Variants in SPTBN1 observed in about 807,000 individuals in gnomAD.
SPTBN1 encodes the protein spectrin beta chain, non-erythrocytic 1.
In SPTBN1, 32 loss-of-function variants were observed where a neutral mutation model predicts 266.4. The ratio of observed to expected loss-of-function variants is 0.12; its 90% CI spans 0.09 to 0.16. SPTBN1 has a LOEUF of 0.16. SPTBN1 is among the 10% of genes least tolerant of loss of function. The probability of loss-of-function intolerance (pLI) is 1.00; values close to 1 mark genes in which losing one functional copy is unlikely to be tolerated. For missense variants in SPTBN1, 2,296 were observed against 3,067.1 expected, an observed-to-expected ratio of 0.75 and a Z score of 5.94; for synonymous variants, 1,336 against 1,162.2, an observed-to-expected ratio of 1.15 and a Z score of -3.04.
At chr2:54,556,515 T>A (rs1243342486) in intron 2 of SPTBN1, among the ~76,000 whole-genome samples, 1 of 152,224 alleles carries the variant, frequency 6.6e-6, no homozygotes, top group East Asian at 1.9e-4. Context: ...TAAAACGTTA[T>A]AAGTTGGCAA....
At chr2:54,470,172 T>G (rs571755927) in intron 1 of SPTBN1, among the ~76,000 whole-genome samples, 1 of 152,382 alleles carries the variant, frequency 6.6e-6, no homozygotes, top group East Asian at 1.9e-4. Context: ...GGTAAAAGTT[T>G]AATTAGAGAG....
intron 2 of SPTBN1, among the ~76,000 whole-genome samples, chr2:54,562,406 T>C (rs12713263): frequency 0.32 from 48,506 of 152,062 alleles, 11,458 homozygotes; most frequent in African/African-American, 0.67. Context: ...TCCATTCAAA[T>C]CTGGTAGGCA....
At chr2:54,487,170 C>CTTTTTTTT (rs34779689) in intron 1 of SPTBN1, among the ~76,000 whole-genome samples, 3 of 98,586 alleles carry the variant, frequency 3.0e-5, no homozygotes, top group Non-Finnish European at 3.9e-5. Flanking sequence ...ATTAGGATTT[C>CTTTTTTTT]TTTTTTTTTT....
At chr2:54,620,897 A>G (rs1572695617) in intron 7 of SPTBN1, among the ~76,000 whole-genome samples, 1 of 152,194 alleles carries the variant, frequency 6.6e-6, no homozygotes, top group African/African-American at 2.4e-5. Flanking sequence ...GTCTGGGTGC[A>G]CTATGTGAAG....
intron 9 of SPTBN1, among the ~76,000 whole-genome samples, chr2:54,623,198 TA>T (rs1047872236): frequency 3.9e-5 from 6 of 152,218 alleles, no homozygotes; most frequent in African/African-American, 1.4e-4. Flanking sequence ...ATGAATGAAG[TA>T]AGTCCATTGT....
intron 33 of SPTBN1, among the ~76,000 whole-genome samples, chr2:54,665,437 C>G (rs1027997222): frequency 3.3e-5 from 5 of 152,106 alleles, no homozygotes; most frequent in African/African-American, 1.2e-4. Context: ...TCTAATTCAC[C>G]CAAAGGTACT....
intron 1 of SPTBN1, among the ~76,000 whole-genome samples, chr2:54,484,798 G>A (rs562747416): frequency 6.6e-5 from 10 of 152,296 alleles, no homozygotes; most frequent in Non-Finnish European, 8.8e-5. Flanking sequence ...CCAGAAAGGC[G>A]CAATGTGGCT....
intron 2 of SPTBN1, among the ~76,000 whole-genome samples, chr2:54,537,159 G>A (rs1448911303): frequency 3.9e-5 from 6 of 152,286 alleles, no homozygotes; most frequent in East Asian, 1.9e-4. Context: ...TGGGCCATGC[G>A]CCTCATTCAT....
chr2:54,665,916 T>G lies in SPTBN1; in HGVS notation c.6661T>G (p.Ser2221Ala). 6.2e-7 allele frequency: 1 copy of G among 1,613,342 alleles called. No individual in the cohort carries two copies. Among genetic ancestry groups the G allele is most frequent in the Non-Finnish European group, 8.5e-7 (1 of 1,179,746 alleles). ...TGCCCTTTTTTTTAAACTGCACAGG[T>G]CCTGGCACAATGTTTATTGTGTCAT... ...EAHNKKASSR[S>A]WHNVYCVINN... The change falls in exon 34 of 36, where the codon TCC becomes GCC. Residue 2221 changes from serine (S) to alanine (A), a missense_variant and splice_region_variant. This residue lies in a region of SPTBN1 where 347 missense variants were observed against 368.5 expected (regional missense o/e 0.94). Transcript: ENST00000356805.
intron 1 of SPTBN1, 50 bp from the exon 2 acceptor site, chr2:54,526,322 G>A: frequency 6.8e-7 from 1 of 1,473,650 alleles, no homozygotes; most frequent in Non-Finnish European, 9.2e-7. Flanking sequence ...GTTCCGTGGG[G>A]ACTGTATACA....
intron 5 of SPTBN1, 53 bp from the exon 6 acceptor site, chr2:54,617,555 A>T: frequency 3.2e-6 from 5 of 1,575,236 alleles, no homozygotes; most frequent in Non-Finnish European, 4.4e-6. Flanking sequence ...GCAAAAGTAT[A>T]AACCTCCATG....
At chr2:54,496,197 G>A (rs936595659) in intron 1 of SPTBN1, among the ~76,000 whole-genome samples, 2 of 152,090 alleles carry the variant, frequency 1.3e-5, no homozygotes, top group African/African-American at 4.8e-5. Flanking sequence ...AGAACTTTGG[G>A]AGGCTGAGGC....
chr2:54,597,431 C>G (rs1676162046), intron 2 of SPTBN1, among the ~76,000 whole-genome samples: 2 of 152,232 alleles, frequency 1.3e-5, no homozygotes, highest in Admixed American at 1.3e-4. Context: ...CTGTCTTTTT[C>G]TGCTTCCTCT....
At chr2:54,484,882 A>G (rs905340232) in intron 1 of SPTBN1, among the ~76,000 whole-genome samples, 2 of 152,192 alleles carry the variant, frequency 1.3e-5, no homozygotes, top group Non-Finnish European at 2.9e-5. Context: ...TCAGACCAAG[A>G]AAATTAATGC....
chr2:54,635,094 C>T (rs1005257022), intron 17 of SPTBN1, among the ~76,000 whole-genome samples: 3 of 152,160 alleles, frequency 2.0e-5, no homozygotes, highest in African/African-American at 4.8e-5. Context: ...CCAGAACACC[C>T]GCATCTGCTT....
chr2:54,531,608 G>GTTTT (rs71408766), intron 2 of SPTBN1, among the ~76,000 whole-genome samples: 1 of 142,316 alleles, frequency 7.0e-6, no homozygotes. Context: ...TTTGTTTTTT[G>GTTTT]TTTTTTTTTT....
intron 2 of SPTBN1, among the ~76,000 whole-genome samples, chr2:54,586,042 G>GA (rs773567118): frequency 1.1e-4 from 16 of 152,186 alleles, no homozygotes; most frequent in Non-Finnish European, 2.2e-4. Context: ...TTTAGTTTCA[G>GA]AATTTTCTAA....
Position 54,653,530 on chromosome 2 carries a change from C to T in SPTBN1, c.5578-79C>T, listed in dbSNP as rs866380339. 8.3e-6 allele frequency: 13 copies of T among 1,557,782 alleles called. No individual in the cohort carries two copies. In the Middle Eastern group the frequency reaches 6.0e-4, roughly 72 times the overall value. On this transcript the variant is annotated intron_variant, in intron 26 of 35. Coordinates refer to ENST00000356805, the MANE Select transcript of SPTBN1 (RefSeq NM_003128.3). The surrounding 1 kb of genome is among the most constrained non-coding windows in gnomAD (Gnocchi z 5.1). ...CTCTGTGCTCCCTTTAGTGTATGAG[C>T]AGAACAGAATAGGGCTTGGGGTGAT...
chr2:54,647,479 A>C (rs1679997186), intron 24 of SPTBN1, among the ~76,000 whole-genome samples: 1 of 152,194 alleles, frequency 6.6e-6, no homozygotes, highest in Non-Finnish European at 1.5e-5. Flanking sequence ...TGTGGGTTAA[A>C]TATCTCCCGT....
Sources: allele counts gnomAD v4.1 joint callset (sites outside exome capture counted in the v4.1 genomes callset), GRCh38; gene constraint gnomAD v4.1.1; regional missense constraint gnomAD v4.1.1; non-coding constraint Gnocchi (gnomAD v3.1); transcripts MANE v1.5; gene names NCBI Gene and HGNC (gene_info 2026-07-23, HGNC 2026-07-21).